The following BRDT variants were observed in gnomAD, a reference collection of about 807,000 sequenced individuals.
BRDT encodes the protein bromodomain testis-specific protein.
In BRDT, 77 loss-of-function variants were observed where a neutral mutation model predicts 113.9. The observed-to-expected ratio is 0.68, with a 90% CI of 0.56 to 0.82. BRDT has a LOEUF of 0.82. Among genes scored for constraint, BRDT ranks in the 40% least tolerant of loss-of-function variants. The probability of loss-of-function intolerance (pLI) is 0.00; values close to 1 mark genes in which losing one functional copy is unlikely to be tolerated. For synonymous variants in BRDT, 358 were observed against 366.5 expected, an observed-to-expected ratio of 0.98 and a Z score of 0.26; for missense variants, 1,027 against 1,105.4, an observed-to-expected ratio of 0.93 and a Z score of 1.01.
At position 91,976,406 on chromosome 1, in the gene BRDT, T is replaced by G; in HGVS notation, c.586T>G (p.Ser196Ala). The change falls in exon 5 of 19, where the codon TCA becomes GCA. Residue 196 changes from serine to alanine, a missense_variant. By Grantham distance (99) the Ser-to-Ala change is moderately conservative. Transcript: ENST00000399546. ...ISPLNVVQGA[S>A]VNSSSQTAAQ... ...TCCCTTGAACGTGGTACAGGGAGCTTCAGTCAACTCCAGTTCACAAACTGC... is the reference window on the plus strand; with the variant it reads ...TCCCTTGAACGTGGTACAGGGAGCTGCAGTCAACTCCAGTTCACAAACTGC... The G allele has an allele frequency of 2.5e-6, 4 of 1,598,750 alleles. No homozygotes were observed. Among genetic ancestry groups the G allele is most frequent in the Middle Eastern group, 1.7e-4 (1 of 6,010 alleles).
intron 12 of BRDT, among the ~76,000 whole-genome samples, chr1:91,983,263 C>CT (rs34326851): frequency 7.7e-5 from 8 of 103,230 alleles, no homozygotes; most frequent in African/African-American, 2.8e-4. Flanking sequence ...GAATTCAAAT[C>CT]TTTTTTTTTT....
intron 1 of BRDT, chr1:91,957,495 A>G (rs369892901): frequency 0.036 from 5,390 of 151,382 alleles, 144 homozygotes; most frequent in Non-Finnish European, 0.052. Flanking sequence ...TCCATCTCAA[A>G]AAAAAAAAAA....
At chr1:92,013,083 C>T (rs916114548) in intron 18 of BRDT, among the ~76,000 whole-genome samples, 5 of 150,156 alleles carry the variant, frequency 3.3e-5, no homozygotes, top group African/African-American at 1.2e-4. Flanking sequence ...CTGGGCATGG[C>T]GGTGCACATC....
Position 91,981,684 on chromosome 1 carries a change from G to A in BRDT, c.1931G>A (p.Ser644Asn). ...VSRLSESSSS[S>N]SSSSESESSS... is the part of the protein sequence containing the mutation. ...CGACTGAGTGAGAGCAGCAGCAGCA[G>A]CAGCAGCTCATCAGAGTCTGAAAGT... The change falls in exon 12 of 19, where the codon AGC becomes AAC. Residue 644 changes from serine to asparagine, a missense_variant. By Grantham distance (46) the Ser-to-Asn change is conservative. Coordinates refer to ENST00000399546, the MANE Select transcript of BRDT (RefSeq NM_207189.4). The A allele has an allele frequency of 6.2e-7, 1 of 1,614,210 alleles. No homozygotes were observed. The highest frequency in any genetic ancestry group is 8.5e-7 in the Non-Finnish European group (1 of 1,180,036).
Position 91,979,624 on chromosome 1 carries a change from C to G in BRDT, c.1154C>G (p.Pro385Arg), listed in dbSNP as rs1338247755. ...KIPIEPVESM[P>R]LCYIKTDITE... ...CCGATTGAACCTGTTGAGAGTATGC[C>G]TTTATGTTACATCAAAACAGATATC... Residue 385 changes from proline to arginine, a missense_variant, in exon 8 of 19, where the codon CCT becomes CGT. Physicochemically the swap from Pro to Arg is moderately radical, Grantham distance 103. Transcript: ENST00000399546. 2 of 1,613,640 alleles carry G rather than the reference C, an allele frequency of 1.2e-6. No individual in the cohort carries two copies. The highest frequency in any genetic ancestry group is 8.5e-7 in the Non-Finnish European group (1 of 1,179,964).
In BRDT at chr1:91,972,739, G is replaced by A. The variant is rs116258142; in HGVS notation, c.446-3527G>A. ...CACTATGCATATCTAATTAGCTCCT[G>A]AGTTCAAAGAGCAACAGTTGGAATA... On this transcript the variant is annotated intron_variant, in intron 4 of 18. Coordinates refer to ENST00000399546, the MANE Select transcript of BRDT (RefSeq NM_207189.4). 3.0e-3 allele frequency among the ~76,000 whole-genome samples: 461 copies of A among 152,280 alleles called. 1 individual carries two copies. The highest frequency in any genetic ancestry group is 0.011 in the African/African-American group (448 of 41,560).
At chr1:91,957,356 G>A (rs1434071959) in intron 1 of BRDT, among the ~76,000 whole-genome samples, 1 of 152,136 alleles carries the variant, frequency 6.6e-6, no homozygotes, top group Non-Finnish European at 1.5e-5. Flanking sequence ...AGCTGGGTGT[G>A]GTGGCGGGCG....
chr1:91,954,386 C>T (rs1681498334), intron 1 of BRDT, among the ~76,000 whole-genome samples: 1 of 150,442 alleles, frequency 6.6e-6, no homozygotes, highest in African/African-American at 2.5e-5. Context: ...CTCAAGTGAT[C>T]CCCCCACCTC....
intron 16 of BRDT, among the ~76,000 whole-genome samples, chr1:92,002,357 T>C (rs2101798931): frequency 6.6e-6 from 1 of 152,074 alleles, no homozygotes; most frequent in South Asian, 2.1e-4. Context: ...CTCTTGTTTG[T>C]GTTTTTTTGT....
rs956239183 is a variant in BRDT, at chr1:91,949,560, C to T, written c.-160C>T. On this transcript the variant is annotated 5_prime_UTR_variant, in exon 1 of 19. Transcript: ENST00000399546. ...CAGGGGGTGCTGCCTTAGGCCGGCC[C>T]CGAGGTGCGGCCTTGGGTGGGAACA... 2 of 152,306 alleles carry T rather than the reference C, an allele frequency of 1.3e-5. No homozygotes were observed. Among genetic ancestry groups the T allele is most frequent in the Admixed American group, 1.3e-4 (2 of 15,276 alleles). 9.4% of individuals were successfully genotyped at this position (152,306 alleles called of 1,614,324 possible).
At chr1:91,973,798 A>G (rs1470177704) in intron 4 of BRDT, among the ~76,000 whole-genome samples, 2 of 152,182 alleles carry the variant, frequency 1.3e-5, no homozygotes, top group Non-Finnish European at 2.9e-5. Context: ...TGCCTGGGCC[A>G]GAACTTCCAA....
intron 18 of BRDT, among the ~76,000 whole-genome samples, chr1:92,007,304 G>A (rs886488805): frequency 6.6e-6 from 1 of 151,996 alleles, no homozygotes; most frequent in African/African-American, 2.4e-5. Context: ...TGGTGTAACG[G>A]GGGTTCGTTG....
intron 1 of BRDT, among the ~76,000 whole-genome samples, chr1:91,953,392 T>G (rs1353141423): frequency 6.6e-6 from 1 of 152,228 alleles, no homozygotes; most frequent in East Asian, 1.9e-4. Flanking sequence ...AATTCAAAAA[T>G]TTGTCAGCTG....
chr1:92,004,500 C>G lies in BRDT; in HGVS notation c.2475C>G (p.Leu825=), dbSNP rs1463023095. The change falls in exon 17 of 19, where the codon CTC becomes CTG. Residue 825 remains leucine, a synonymous_variant. Coordinates refer to ENST00000399546, the MANE Select transcript of BRDT (RefSeq NM_207189.4). The part of the protein sequence containing the change: ...PSGVMKSSDE[L]FNQFRKAAIE... The stretch of plus-strand genomic sequence containing the variant: ...GTGTAATGAAATCCTCAGATGAGCT[C>G]TTCAACCAATTTAGAAAAGCAGCCA... 1 of 1,613,342 alleles carries G rather than the reference C, an allele frequency of 6.2e-7. No homozygotes were observed. Among genetic ancestry groups the G allele is most frequent in the Admixed American group, 1.7e-5 (1 of 59,912 alleles).
Position 92,011,383 on chromosome 1 carries a change from T to C in BRDT, c.2776-2823T>C, listed in dbSNP as rs190193349. On this transcript the variant is annotated intron_variant, in intron 18 of 18. Transcript: ENST00000399546. ...ACTGAATTTTAAACTTTAATTTTAA[T>C]GAACTCAATTTTAAATAGAAACTTT... Among the ~76,000 whole-genome samples the C allele has an allele frequency of 3.6e-4, 55 of 152,338 alleles. No individual in the cohort carries two copies. The East Asian group carries it at 0.01, about 28-fold the overall frequency.
chr1:91,988,277 A>G (rs1215563601), intron 12 of BRDT, among the ~76,000 whole-genome samples: 3 of 152,240 alleles, frequency 2.0e-5, no homozygotes, highest in Non-Finnish European at 2.9e-5. Context: ...TTTGTTTAAT[A>G]GTGCATATAT....
At chr1:91,979,507 C>T in intron 7 of BRDT, 62 bp from the exon 8 acceptor site, 1 of 1,470,612 alleles carries the variant, frequency 6.8e-7, no homozygotes, top group Non-Finnish European at 9.3e-7. Flanking sequence ...TTGTTAAAAG[C>T]TGTGATTGCT....
At chr1:91,962,205 G>T (rs866388581) in intron 1 of BRDT, among the ~76,000 whole-genome samples, 9 of 136,484 alleles carry the variant, frequency 6.6e-5, no homozygotes, top group African/African-American at 2.4e-4. Context: ...CAAGGCTAAG[G>T]CATATATAGT....
chr1:91,976,314 C>A lies in BRDT; in HGVS notation c.494C>A (p.Pro165His), dbSNP rs373881759. Residue 165 changes from proline (P) to histidine (H), a missense_variant, in exon 5 of 19, where the codon CCC (proline) becomes CAC (histidine). Pro to His is a moderately conservative substitution (Grantham distance 77). Coordinates refer to ENST00000399546, the MANE Select transcript of BRDT (RefSeq NM_207189.4). Reference protein sequence around the residue: ...AVSSAKEKSSPSATEKVFKQQ... With the variant: ...AVSSAKEKSSHSATEKVFKQQ... ...TCTTCTGCTAAAGAAAAATCATCAC[C>A]CAGCGCAACAGAAAAAGTATTTAAG... 45 of 1,611,244 alleles carry A rather than the reference C, an allele frequency of 2.8e-5. No individual in the cohort carries two copies. The African/African-American group carries it at 6.0e-4, about 22-fold the overall frequency.
Sources: gnomAD v4.1 joint callset for allele counts (sites outside exome capture counted in the v4.1 genomes callset) on GRCh38, gnomAD v4.1.1 for gene constraint, MANE v1.5 for transcripts, NCBI Gene and HGNC (gene_info 2026-07-23, HGNC 2026-07-21) for gene names.